ZNF208: variants seen among roughly 807,000 people sequenced by gnomAD.
ZNF208 encodes zinc finger protein 208, also known as zinc finger protein 95.
Under a neutral mutation model 12.1 loss-of-function variants are expected in ZNF208, and 10 were observed. The observed-to-expected ratio is 0.83, with a 90% confidence interval of 0.51 to 1.40. ZNF208 has a LOEUF of 1.40. Ranked by LOEUF, ZNF208 falls within the 40% of genes most tolerant of loss-of-function variation. ZNF208 has a pLI of 0.00. For missense variants in ZNF208, 1,652 were observed against 1,485.0 expected, an observed-to-expected ratio of 1.11 and a Z score of -1.85; for synonymous variants, 497 against 488.4, an observed-to-expected ratio of 1.02 and a Z score of -0.23.
chr19:21,952,951 A>C (rs1969915203), intron 4 of ZNF208, among the ~76,000 whole-genome samples: 1 of 152,212 alleles, frequency 6.6e-6, no homozygotes, highest in South Asian at 2.1e-4. Context: ...TAACTAGAAT[A>C]AACAGTGAAG....
Position 21,986,042 on chromosome 19 carries a change from C to G in ZNF208, c.226+1174G>C, listed in dbSNP as rs541070341. The stretch of plus-strand genomic sequence containing the variant: ...CAGAGCCAGCAGCCCTGTGACCGAG[C>G]TACAACCCTCTGAAACCAGTTTATA... On this transcript the variant is annotated intron_variant, in intron 3 of 3. Coordinates refer to ENST00000397126, the MANE Select transcript of ZNF208 (RefSeq NM_007153.3). Among the ~76,000 whole-genome samples the G allele has an allele frequency of 2.0e-5, 3 of 152,300 alleles. No individual in the cohort carries two copies. The South Asian group carries it at 6.2e-4, about 32-fold the overall frequency.
chr19:21,971,841 C>A lies in ZNF208; in HGVS notation c.3193G>T (p.Ala1065Ser). 6.2e-7 allele frequency: 1 copy of A among 1,613,594 alleles called. No homozygotes were observed. ...KPYKCEECGKAFSWPSRLTEH... is the reference protein window; with the variant it reads ...KPYKCEECGKSFSWPSRLTEH... The stretch of plus-strand genomic sequence containing the variant: ...GTAAGTCTTGAGGGCCAGCTGAAGG[C>A]TTTGCCACATTCTTCACATTTGTAG... Residue 1065 changes from alanine to serine, a missense_variant, in exon 4 of 4, where the codon GCC becomes TCC. By Grantham distance (99) the Ala-to-Ser change is moderately conservative. This residue lies in a region of ZNF208 where 1,239 missense variants were observed against 1,086.2 expected (regional missense o/e 1.14). Coordinates refer to ENST00000397126, the MANE Select transcript of ZNF208 (RefSeq NM_007153.3).
chr19:21,995,649 G>A (rs1295898619), intron 1 of ZNF208, among the ~76,000 whole-genome samples: 8 of 152,132 alleles, frequency 5.3e-5, no homozygotes, highest in Non-Finnish European at 8.8e-5. Context: ...CGGGTTGTCC[G>A]TCCTGATTTG....
At chr19:21,951,989 A>G (rs2136888) in intron 4 of ZNF208, among the ~76,000 whole-genome samples, 58,443 of 151,928 alleles carry the variant, frequency 0.38, 11,640 homozygotes, top group East Asian at 0.5. Flanking sequence ...GTAGACAAGA[A>G]GATTCTCTCC....
chr19:21,974,932 C>A, intron 3 of ZNF208, 125 bp from the exon 4 acceptor site: 1 of 1,148,924 alleles, frequency 8.7e-7, no homozygotes, highest in African/African-American at 1.6e-5. Context: ...TGACACAGGC[C>A]CTAATTCTTC....
At chr19:21,953,509 A>G (rs1223596384) in intron 4 of ZNF208, among the ~76,000 whole-genome samples, 6 of 152,218 alleles carry the variant, frequency 3.9e-5, no homozygotes, top group Non-Finnish European at 7.3e-5. Flanking sequence ...CCAATATTCA[A>G]CATTCTGAAA....
chr19:22,003,246 G>A (rs1216751836), intron 1 of ZNF208, among the ~76,000 whole-genome samples: 3 of 152,062 alleles, frequency 2.0e-5, no homozygotes, highest in African/African-American at 7.2e-5. Context: ...ACCCTGGAAG[G>A]TAAGAAGTGC....
rs1380410776 is a variant in ZNF208 at position 22,010,833 on chromosome 19, A to T, written c.-39T>A. On this transcript the variant is annotated 5_prime_UTR_variant, in exon 1 of 4. Coordinates refer to ENST00000397126, the MANE Select transcript of ZNF208 (RefSeq NM_007153.3). ...GGGGGTCCTGGCGACTTAGTTGTGG[A>T]TCTCCCAATACCTGCAGGTCATAGG... 1.2e-6 allele frequency: 2 copies of T among 1,613,744 alleles called. No individual in the cohort carries two copies. Among genetic ancestry groups the T allele is most frequent in the Non-Finnish European group, 1.7e-6 (2 of 1,179,768 alleles).
Position 21,979,691 on chromosome 19 carries a change from G to C in ZNF208, c.227-4884C>G, listed in dbSNP as rs150444823. Among the ~76,000 whole-genome samples, 6 of 152,230 alleles carry C rather than the reference G, an allele frequency of 3.9e-5. No individual in the cohort carries two copies. In the East Asian group the frequency reaches 1.2e-3, roughly 29 times the overall value. ...CATCAACTAATGGGCAAAATAACCA[G>C]CTAGCGTCATAATGACAGGATCAAA... On this transcript the variant is annotated intron_variant, in intron 3 of 3. Transcript: ENST00000397126.
At chr19:21,949,400 A>G (rs1390152029) in intron 4 of ZNF208, among the ~76,000 whole-genome samples, 1 of 152,186 alleles carries the variant, frequency 6.6e-6, no homozygotes, top group Admixed American at 6.5e-5. Flanking sequence ...AGATACAAGA[A>G]CACCGGATAA....
intron 4 of ZNF208, among the ~76,000 whole-genome samples, chr19:21,946,032 G>C (rs1001869824): frequency 1.6e-4 from 25 of 152,194 alleles, no homozygotes; most frequent in African/African-American, 5.3e-4. Context: ...CACACCTCTG[G>C]CTTACTTAGA....
Position 21,944,900 on chromosome 19 carries a change from A to G in ZNF208, c.306-11663T>C, listed in dbSNP as rs561469582. On this transcript the variant is annotated intron_variant, in intron 4 of 4. Transcript: ENST00000599916. ...CATGGCCATTGTACAGTGGCTGCAT[A>G]TTGCCAACACAATAAGCCCCAGCAT... 3.9e-5 allele frequency among the ~76,000 whole-genome samples: 6 copies of G among 152,322 alleles called. No homozygotes were observed. The East Asian group carries it at 1.2e-3, about 29-fold the overall frequency.
chr19:22,001,782 A>G (rs1342852990), intron 1 of ZNF208, among the ~76,000 whole-genome samples: 2 of 150,844 alleles, frequency 1.3e-5, no homozygotes, highest in Non-Finnish European at 2.9e-5. Flanking sequence ...AATCCCAGCT[A>G]CTCAAGAGGC....
At chr19:21,964,923 T>C (rs546775418), downstream of ZNF208, among the ~76,000 whole-genome samples, 7 of 152,090 alleles carry the variant, frequency 4.6e-5, no homozygotes, top group Non-Finnish European at 8.8e-5. Context: ...TCTAACAACA[T>C]TTCTTTTGCT....
intron 2 of ZNF208, 40 bp downstream of exon 2, chr19:21,988,743 G>A (rs1970668997): frequency 6.2e-7 from 1 of 1,608,692 alleles, no homozygotes. Context: ...AATGAAACCT[G>A]TAGTGTATAC....
chr19:21,970,102 G>A lies in ZNF208; in HGVS notation c.*1089C>T, dbSNP rs1172090954. 6.6e-6 allele frequency among the ~76,000 whole-genome samples: 1 copy of A among 152,144 alleles called. No homozygotes were observed. Among genetic ancestry groups the A allele is most frequent in the Non-Finnish European group, 1.5e-5 (1 of 68,024 alleles). The stretch of plus-strand genomic sequence containing the variant: ...CTTTGTCATATTCTTCACTTTTCTA[G>A]GATTTCTCATCTGTACGATTTCTTT... On this transcript the variant is annotated 3_prime_UTR_variant, in exon 4 of 4. Coordinates refer to ENST00000397126, the MANE Select transcript of ZNF208 (RefSeq NM_007153.3).
chr19:21,996,888 T>C (rs1338358636), intron 1 of ZNF208, among the ~76,000 whole-genome samples: 1 of 152,184 alleles, frequency 6.6e-6, no homozygotes, highest in Non-Finnish European at 1.5e-5. Flanking sequence ...CAGAGGATGA[T>C]AGATACCAAG....
At chr19:21,998,731 C>T (rs1970886103) in intron 1 of ZNF208, 1 of 152,240 alleles carries the variant, frequency 6.6e-6, no homozygotes, top group Non-Finnish European at 1.5e-5. Context: ...CCACAGCGCC[C>T]AGCTCTCAGC....
intron 1 of ZNF208, among the ~76,000 whole-genome samples, chr19:22,004,238 T>C (rs892674452): frequency 7.2e-5 from 11 of 152,014 alleles, no homozygotes; most frequent in African/African-American, 2.7e-4. Context: ...AAATATGGGC[T>C]GGGTATGGTG....
Sources: allele counts gnomAD v4.1 joint callset (sites outside exome capture counted in the v4.1 genomes callset), GRCh38; gene constraint gnomAD v4.1.1; regional missense constraint gnomAD v4.1.1; transcripts MANE v1.5; gene names NCBI Gene and HGNC (gene_info 2026-07-23, HGNC 2026-07-21).